Variants in NAP1L1 observed in about 807,000 individuals in gnomAD.
NAP1L1 encodes nucleosome assembly protein 1-like 1.
In NAP1L1, 9 loss-of-function variants were observed where a neutral mutation model predicts 58.9. The ratio of observed to expected loss-of-function variants is 0.15; its 90% CI spans 0.09 to 0.27. The LOEUF (loss-of-function observed/expected upper bound fraction) is 0.27, where lower values mean the gene tolerates loss of function less well. Among genes scored for constraint, NAP1L1 ranks in the 10% least tolerant of loss-of-function variants. The pLI is 1.00. For missense variants in NAP1L1, 302 were observed against 458.8 expected, an observed-to-expected ratio of 0.66 and a Z score of 3.12; for synonymous variants, 130 against 138.3, an observed-to-expected ratio of 0.94 and a Z score of 0.42.
chr12:76,056,263 T>A, intron 6 of NAP1L1, 102 bp from the exon 7 acceptor site: 1 of 1,186,932 alleles, frequency 8.4e-7, no homozygotes, highest in Non-Finnish European at 1.2e-6. Context: ...AGATATTACC[T>A]TCAAAGTTCT....
chr12:76,071,519 G>A (rs1949953086), intron 2 of NAP1L1, among the ~76,000 whole-genome samples: 2 of 152,058 alleles, frequency 1.3e-5, no homozygotes, highest in South Asian at 4.2e-4. Context: ...AGAAAACAAG[G>A]GCAGCAACAT....
chr12:76,080,911 C>T (rs1040507927), intron 1 of NAP1L1, among the ~76,000 whole-genome samples: 8 of 152,154 alleles, frequency 5.3e-5, no homozygotes, highest in African/African-American at 1.9e-4. Context: ...AGTTTCCCAC[C>T]AGGGGAGCTG....
chr12:76,045,504 T>C lies in NAP1L1; in HGVS notation c.*2925A>G, dbSNP rs1183909302. ...AACCTATTCACACAACAAAAATATTTTTATGAAAGTTAATATATCCTTTCC... is the reference window on the plus strand; with the variant it reads ...AACCTATTCACACAACAAAAATATTCTTATGAAAGTTAATATATCCTTTCC... On this transcript the variant is annotated 3_prime_UTR_variant, in exon 15 of 15. Coordinates refer to ENST00000618691, the MANE Select transcript of NAP1L1 (RefSeq NM_004537.7). 4 of 152,052 alleles carry C rather than the reference T, an allele frequency of 2.6e-5. No homozygotes were observed. The highest frequency in any genetic ancestry group is 5.9e-5 in the Non-Finnish European group (4 of 67,924). 9.4% of individuals were successfully genotyped at this position (152,052 alleles called of 1,614,324 possible).
chr12:76,056,649 T>C (rs1466970452), intron 6 of NAP1L1: 1 of 455,518 alleles, frequency 2.2e-6, no homozygotes, highest in African/African-American at 2.0e-5. Flanking sequence ...ATGTCTTCAC[T>C]TGAAAATGGC....
chr12:76,063,266 G>A (rs1949501585), intron 4 of NAP1L1, among the ~76,000 whole-genome samples: 1 of 152,068 alleles, frequency 6.6e-6, no homozygotes, highest in Non-Finnish European at 1.5e-5. Flanking sequence ...ATAAATATTG[G>A]TAAATTTAAG....
rs1948953732 is a variant in NAP1L1 at position 76,053,914 on chromosome 12, G to T, written c.631-5C>A. The T allele has an allele frequency of 6.3e-7, 1 of 1,592,944 alleles. No homozygotes were observed. The highest frequency in any genetic ancestry group is 1.2e-5 in the South Asian group (1 of 86,814). ...GTGAAATTCTAAGACAAAACTCTGG[G>T]GAGAGGAAGCATAAAAATCAGTTAA... On this transcript the variant is annotated splice_region_variant and splice_polypyrimidine_tract_variant and intron_variant, in intron 8 of 14. Transcript: ENST00000618691.
Position 76,072,912 on chromosome 12 carries a change from AC to A in NAP1L1, c.17+1290del, listed in dbSNP as rs532241552. On this transcript the variant is annotated intron_variant, in intron 2 of 14. Coordinates refer to ENST00000618691, the MANE Select transcript of NAP1L1 (RefSeq NM_004537.7). Reference sequence around the variant, plus strand: ...CTCCCTTGTACTCTTCCAAGAAGGTACTAACAAACCGAGAAAGCAATGTGAG... The same window carrying A: ...CTCCCTTGTACTCTTCCAAGAAGGTATAACAAACCGAGAAAGCAATGTGAG... 1.8e-3 allele frequency among the ~76,000 whole-genome samples: 277 copies of A among 152,318 alleles called. 1 individual carries two copies. Among genetic ancestry groups the A allele is most frequent in the African/African-American group, 6.3e-3 (261 of 41,570 alleles).
chr12:76,070,230 C>A (rs961833882), intron 2 of NAP1L1, among the ~76,000 whole-genome samples: 1 of 152,034 alleles, frequency 6.6e-6, no homozygotes. Context: ...TCAAGCAATT[C>A]TCGTGCCTCA....
chr12:76,054,913 T>A lies in NAP1L1; in HGVS notation c.630+106A>T, dbSNP rs545388540. The A allele has an allele frequency of 7.8e-5, 53 of 677,816 alleles. No individual in the cohort carries two copies. In the African/African-American group the frequency reaches 9.7e-4, roughly 12 times the overall value. 42.0% of individuals were successfully genotyped at this position (677,816 alleles called of 1,614,324 possible). A position where few individuals can be genotyped will look rare whatever the true frequency, so the allele number is the denominator to read the frequency against. On this transcript the variant is annotated intron_variant, in intron 8 of 14. Transcript: ENST00000618691. ...GCAGCATCCAAATATTTATTCACTATAACAAAGAGCACCAACCTTACCCTT... is the reference window on the plus strand; with the variant it reads ...GCAGCATCCAAATATTTATTCACTAAAACAAAGAGCACCAACCTTACCCTT...
At chr12:76,054,037 A>AT (rs1948962233) in intron 8 of NAP1L1, 128 bp from the exon 9 acceptor site, 1 of 1,126,668 alleles carries the variant, frequency 8.9e-7, no homozygotes, top group African/African-American at 1.7e-5. Context: ...CTGAAATACA[A>AT]TCTTCTTTTT....
At chr12:76,048,635 A>C (rs1390497412) in intron 14 of NAP1L1, among the ~76,000 whole-genome samples, 171 bp from the exon 15 acceptor site, 1 of 152,138 alleles carries the variant, frequency 6.6e-6, no homozygotes, top group African/African-American at 2.4e-5. Context: ...AAATGCTAAA[A>C]TCAAGCTCAA....
chr12:76,049,597 T>C, intron 13 of NAP1L1, 159 bp downstream of exon 13: 2 of 1,512,698 alleles, frequency 1.3e-6, no homozygotes, highest in South Asian at 2.4e-5. Flanking sequence ...TGAAACCTTA[T>C]ACATACATTG....
At chr12:76,079,972 C>T (rs1950338811) in intron 1 of NAP1L1, among the ~76,000 whole-genome samples, 1 of 152,190 alleles carries the variant, frequency 6.6e-6, no homozygotes, top group African/African-American at 2.4e-5. Context: ...CAGGTGTGAG[C>T]CACCACACCT....
chr12:76,070,025 A>G (rs1045301358), intron 2 of NAP1L1, among the ~76,000 whole-genome samples: 1 of 152,216 alleles, frequency 6.6e-6, no homozygotes, highest in Non-Finnish European at 1.5e-5. Context: ...CACAGGGACA[A>G]ATAATGACTT....
chr12:76,067,779 C>T (rs1296589859), intron 3 of NAP1L1, among the ~76,000 whole-genome samples: 1 of 152,178 alleles, frequency 6.6e-6, no homozygotes, highest in Non-Finnish European at 1.5e-5. Context: ...TTTTAAGAAG[C>T]TCAAAGCTTC....
intron 1 of NAP1L1, among the ~76,000 whole-genome samples, chr12:76,076,751 T>G (rs1565748031): frequency 6.6e-6 from 1 of 152,056 alleles, no homozygotes; most frequent in Non-Finnish European, 1.5e-5. Context: ...TTATATGTTC[T>G]GAGAAATGTG....
At chr12:76,078,073 C>T (rs1950263143) in intron 1 of NAP1L1, among the ~76,000 whole-genome samples, 1 of 150,692 alleles carries the variant, frequency 6.6e-6, no homozygotes, top group Non-Finnish European at 1.5e-5. Context: ...CACTGAAATG[C>T]TAACAAGATA....
chr12:76,084,293 G>A (rs968112753), intron 1 of NAP1L1, among the ~76,000 whole-genome samples: 3 of 152,170 alleles, frequency 2.0e-5, no homozygotes, highest in Admixed American at 2.0e-4. Context: ...AGACGGTGGA[G>A]CTCAGAGAAC....
At chr12:76,080,150 T>G in intron 1 of NAP1L1, among the ~76,000 whole-genome samples, 1 of 152,218 alleles carries the variant, frequency 6.6e-6, no homozygotes, top group East Asian at 1.9e-4. Flanking sequence ...CAGGACTGCA[T>G]ATACAACAGT....
Sources: allele counts gnomAD v4.1 joint callset (sites outside exome capture counted in the v4.1 genomes callset), GRCh38; gene constraint gnomAD v4.1.1; transcripts MANE v1.5; gene names NCBI Gene and HGNC (gene_info 2026-07-23, HGNC 2026-07-21).